The following DNAJC15 variants were observed in gnomAD, a reference collection of about 807,000 sequenced individuals.
The protein encoded by DNAJC15 is dnaJ homolog subfamily C member 15.
A neutral mutation model predicts 22.4 loss-of-function variants in DNAJC15; 27 were observed. The ratio of observed to expected loss-of-function variants is 1.20; its 90% CI spans 0.89 to 1.66. The LOEUF (loss-of-function observed/expected upper bound fraction) is 1.66. DNAJC15 is among the 40% of genes most tolerant of loss of function. DNAJC15 has a pLI of 0.00. For missense variants in DNAJC15, 208 were observed against 187.1 expected, an observed-to-expected ratio of 1.11 and a Z score of -0.65; for synonymous variants, 79 against 63.2, an observed-to-expected ratio of 1.25 and a Z score of -1.19.
chr13:43,027,956 C>G (rs2040387871), intron 1 of DNAJC15, among the ~76,000 whole-genome samples: 1 of 152,206 alleles, frequency 6.6e-6, no homozygotes, highest in Non-Finnish European at 1.5e-5. Flanking sequence ...CGCACCCGGC[C>G]TAACTGATTC....
intron 2 of DNAJC15, among the ~76,000 whole-genome samples, chr13:43,067,928 A>G (rs1197783400): frequency 6.6e-6 from 1 of 152,112 alleles, no homozygotes; most frequent in East Asian, 1.9e-4. Context: ...ACTTTATTTA[A>G]TGTTCTCCTT....
chr13:43,034,298 AT>A (rs1428025743), intron 1 of DNAJC15, among the ~76,000 whole-genome samples: 1 of 90,954 alleles, frequency 1.1e-5, no homozygotes, highest in African/African-American at 4.3e-5. Context: ...TGTATGGGAG[AT>A]TTGTCCTTTT....
chr13:43,037,938 A>G (rs17624339), intron 1 of DNAJC15, among the ~76,000 whole-genome samples: 25,740 of 152,176 alleles, frequency 0.17, 2,756 homozygotes, highest in Non-Finnish European at 0.24. Flanking sequence ...TCTTTTTTAT[A>G]GCCTGCTTTT....
At chr13:43,065,632 C>A in intron 1 of DNAJC15, 54 bp from the exon 2 acceptor site, 1 of 1,410,440 alleles carries the variant, frequency 7.1e-7, no homozygotes. Context: ...AAATGATTTA[C>A]TTTTAAAACC....
rs2040816222 is a variant in DNAJC15, at chr13:43,109,858, AT to A, written c.*2611del. The A allele has an allele frequency of 7.0e-6, 1 of 142,206 alleles. No homozygotes were observed. Among genetic ancestry groups the A allele is most frequent in the Non-Finnish European group, 1.6e-5 (1 of 61,626 alleles). The allele number at this position is 142,206 out of a possible 1,614,324, so 8.8% of individuals were successfully genotyped here. On this transcript the variant is annotated 3_prime_UTR_variant, in exon 6 of 6. Transcript: ENST00000379221. ...CATGTGCCCTAGAACTTAAAGTATA[AT>A]AAAAAGAAATTTTAAAAAATCCTGT...
chr13:43,070,985 C>G (rs1226019594), intron 3 of DNAJC15, among the ~76,000 whole-genome samples: 1 of 152,082 alleles, frequency 6.6e-6, no homozygotes, highest in Non-Finnish European at 1.5e-5. Flanking sequence ...TAACATAGTT[C>G]TTTAAATGAA....
At chr13:43,089,297 A>G (rs943477757) in intron 5 of DNAJC15, among the ~76,000 whole-genome samples, 1 of 152,224 alleles carries the variant, frequency 6.6e-6, no homozygotes, top group African/African-American at 2.4e-5. Context: ...GACAACTTCA[A>G]CAAGACAATT....
intron 1 of DNAJC15, among the ~76,000 whole-genome samples, chr13:43,060,523 T>C (rs2040553523): frequency 6.6e-6 from 1 of 152,178 alleles, no homozygotes; most frequent in Non-Finnish European, 1.5e-5. Flanking sequence ...TTGGGCTCTA[T>C]CCTTGAGTTT....
In DNAJC15 at chr13:43,025,315, C is replaced by G. The variant is rs138791108; in HGVS notation, c.108+1581C>G. Among the ~76,000 whole-genome samples, 200 of 152,232 alleles carry G rather than the reference C, an allele frequency of 1.3e-3. 3 individuals carry two copies. The Middle Eastern group carries it at 0.017, about 13-fold the overall frequency. On this transcript the variant is annotated intron_variant, in intron 1 of 5. Transcript: ENST00000379221. The stretch of plus-strand genomic sequence containing the variant: ...ATCAGGCTTTCAAGGTAGTTGGGAG[C>G]TGTGGTAATTGGAAGATAGAACTAA...
chr13:43,055,487 T>C (rs890951994), intron 1 of DNAJC15, among the ~76,000 whole-genome samples: 11 of 152,168 alleles, frequency 7.2e-5, no homozygotes, highest in Admixed American at 3.3e-4. Flanking sequence ...CTCAAGTCTG[T>C]GTGTGTAGTG....
At chr13:43,083,228 C>T (rs941065186) in intron 4 of DNAJC15, among the ~76,000 whole-genome samples, 3 of 151,650 alleles carry the variant, frequency 2.0e-5, no homozygotes, top group Non-Finnish European at 2.9e-5. Flanking sequence ...AGTGCAGTGG[C>T]GCTATCTTGG....
intron 3 of DNAJC15, 82 bp from the exon 4 acceptor site, chr13:43,078,530 C>G: frequency 9.4e-7 from 1 of 1,067,544 alleles, no homozygotes; most frequent in Non-Finnish European, 1.4e-6. Context: ...GCATTACTCT[C>G]ACTGCAGCTA....
chr13:43,098,010 A>G (rs1015635951), intron 5 of DNAJC15, among the ~76,000 whole-genome samples: 1 of 152,224 alleles, frequency 6.6e-6, no homozygotes, highest in Non-Finnish European at 1.5e-5. Flanking sequence ...AGGGGTAAGA[A>G]AAAATGAGGA....
intron 5 of DNAJC15, among the ~76,000 whole-genome samples, chr13:43,092,674 G>C (rs921876147): frequency 3.3e-5 from 5 of 152,088 alleles, no homozygotes; most frequent in African/African-American, 9.7e-5. Flanking sequence ...TATTTTGGGA[G>C]GCCTGGGCAG....
chr13:43,053,170 A>G (rs1156859800), intron 1 of DNAJC15, among the ~76,000 whole-genome samples: 7 of 151,952 alleles, frequency 4.6e-5, no homozygotes, highest in Non-Finnish European at 1.0e-4. Flanking sequence ...TCCTTTCCCC[A>G]CTTTATGTTT....
At chr13:43,024,574 T>G (rs1423427179) in intron 1 of DNAJC15, among the ~76,000 whole-genome samples, 13 of 151,678 alleles carry the variant, frequency 8.6e-5, no homozygotes, top group South Asian at 2.1e-4. Flanking sequence ...TCGATCTGCT[T>G]ACCTCGTGAT....
chr13:43,072,950 G>T (rs1398265676), intron 3 of DNAJC15, among the ~76,000 whole-genome samples: 1 of 152,052 alleles, frequency 6.6e-6, no homozygotes, highest in Admixed American at 6.6e-5. Flanking sequence ...GTATCCTTTT[G>T]AATATTTCTA....
At chr13:43,106,043 C>T (rs2040795380) in intron 5 of DNAJC15, among the ~76,000 whole-genome samples, 1 of 152,176 alleles carries the variant, frequency 6.6e-6, no homozygotes, top group African/African-American at 2.4e-5. Context: ...ACCCCTTCTA[C>T]CACAACACCA....
chr13:43,031,019 T>C (rs2040402136), intron 1 of DNAJC15, among the ~76,000 whole-genome samples: 2 of 152,182 alleles, frequency 1.3e-5, no homozygotes, highest in Non-Finnish European at 2.9e-5. Context: ...GTTAAAAAGA[T>C]AAAATCTTAG....
Sources: gnomAD v4.1 joint callset for allele counts (sites outside exome capture counted in the v4.1 genomes callset) on GRCh38, gnomAD v4.1.1 for gene constraint, MANE v1.5 for transcripts, NCBI Gene and HGNC (gene_info 2026-07-23, HGNC 2026-07-21) for gene names.